NBAS: variants seen among roughly 807,000 people sequenced by gnomAD.
NBAS encodes NBAS subunit of NRZ tethering complex.
Under a neutral mutation model 302.5 loss-of-function variants are expected in NBAS, and 219 were observed. That is an observed-to-expected ratio of 0.72 (90% CI 0.65 to 0.81). NBAS has a LOEUF of 0.81. Among genes scored for constraint, NBAS ranks in the 30% least tolerant of loss-of-function variants. The pLI, the probability that NBAS is intolerant of heterozygous loss-of-function variation, is 0.00. For missense variants in NBAS, 2,932 were observed against 2,841.6 expected (o/e 1.03, Z -0.72); for synonymous variants, 1,118 against 1,021.6 (o/e 1.09, Z -1.80).
At chr2:15,073,617 T>TC in the NBAS span, among the ~76,000 whole-genome samples, 2 of 152,222 alleles carry the variant, frequency 1.3e-5, no homozygotes, top group Non-Finnish European at 2.9e-5. Context: ...GCATTTTTTT[T>TC]CTTTTACTAC....
intron 5 of NBAS, among the ~76,000 whole-genome samples, chr2:15,553,200 A>T (rs1486324017): frequency 1.3e-5 from 2 of 152,212 alleles, no homozygotes; most frequent in East Asian, 3.8e-4. Context: ...AAACTTCTTA[A>T]GAGGCAACGG....
At chr2:15,543,506 G>A (rs572437508) in intron 6 of NBAS, among the ~76,000 whole-genome samples, 2 of 152,166 alleles carry the variant, frequency 1.3e-5, no homozygotes, top group Non-Finnish European at 1.5e-5. Flanking sequence ...TCTGAGACTG[G>A]GCAATTTACA....
chr2:15,081,570 A>G, the NBAS span, among the ~76,000 whole-genome samples: 20 of 152,230 alleles, frequency 1.3e-4, no homozygotes, highest in African/African-American at 4.8e-4. Flanking sequence ...GGCATTGCGC[A>G]AGAATACCAT....
chr2:15,513,212 A>T (rs1662224227), intron 9 of NBAS, among the ~76,000 whole-genome samples: 2 of 152,202 alleles, frequency 1.3e-5, no homozygotes, highest in African/African-American at 4.8e-5. Flanking sequence ...ATGCAGCTCT[A>T]ACAAATTTTC....
intron 38 of NBAS, among the ~76,000 whole-genome samples, chr2:15,315,324 CTGG>C (rs1671458584): frequency 6.6e-6 from 1 of 152,130 alleles, no homozygotes; most frequent in Non-Finnish European, 1.5e-5. Flanking sequence ...GCAATATTAA[CTGG>C]AGGGTACACA....
intron 44 of NBAS, among the ~76,000 whole-genome samples, chr2:15,256,766 G>A (rs1668619769): frequency 1.3e-5 from 2 of 152,142 alleles, no homozygotes; most frequent in South Asian, 2.1e-4. Flanking sequence ...TAATCATAAA[G>A]GGATGCTGGA....
intron 32 of NBAS, among the ~76,000 whole-genome samples, chr2:15,361,839 G>C (rs893308355): frequency 6.6e-6 from 1 of 151,992 alleles, no homozygotes; most frequent in Admixed American, 6.6e-5. Context: ...AATTAGCCAG[G>C]TGTGGTGGCA....
At chr2:15,507,163 T>C (rs1377412406) in intron 10 of NBAS, among the ~76,000 whole-genome samples, 26 of 152,182 alleles carry the variant, frequency 1.7e-4, no homozygotes, top group East Asian at 1.2e-3. Flanking sequence ...TATCCTTCAA[T>C]AAACAAGAGT....
chr2:15,527,809 T>C (rs565142365), intron 9 of NBAS, among the ~76,000 whole-genome samples: 4 of 152,288 alleles, frequency 2.6e-5, no homozygotes, highest in African/African-American at 4.8e-5. Flanking sequence ...ACAAAAACAG[T>C]ATAGCAGTAA....
chr2:15,198,556 C>T (rs1033161039), intron 48 of NBAS, among the ~76,000 whole-genome samples: 1 of 151,956 alleles, frequency 6.6e-6, no homozygotes, highest in Non-Finnish European at 1.5e-5. Context: ...GTGGTTGAAG[C>T]GGTAAATAAA....
At chr2:15,257,926 A>T (rs1415108190) in intron 44 of NBAS, among the ~76,000 whole-genome samples, 2 of 152,308 alleles carry the variant, frequency 1.3e-5, no homozygotes, top group East Asian at 3.9e-4. Flanking sequence ...TCACAATCTA[A>T]CAATAGTCAT....
chr2:15,273,168 CAA>C (rs1669407761), intron 44 of NBAS, among the ~76,000 whole-genome samples: 1 of 152,152 alleles, frequency 6.6e-6, no homozygotes, highest in Non-Finnish European at 1.5e-5. Flanking sequence ...TGCCTGGGAG[CAA>C]AGTCACCCTC....
In NBAS at chr2:15,479,228, C is replaced by A. The variant is rs146667486; in HGVS notation, c.1084-939G>T. The stretch of plus-strand genomic sequence containing the variant: ...TTAAACTTAATCAGAAAAAAAATTA[C>A]CATAAAAGCCTACTTATATACCAAG... On this transcript the variant is annotated intron_variant, in intron 12 of 51. Transcript: ENST00000281513. Among the ~76,000 whole-genome samples the A allele has an allele frequency of 1.7e-3, 261 of 152,158 alleles. 1 individual carries two copies. Among genetic ancestry groups the A allele is most frequent in the African/African-American group, 6.0e-3 (250 of 41,502 alleles).
the NBAS span, among the ~76,000 whole-genome samples, chr2:14,915,011 G>T: frequency 1.3e-5 from 2 of 152,152 alleles, no homozygotes; most frequent in Non-Finnish European, 2.9e-5. Flanking sequence ...GTTTTTTATG[G>T]TATTTGTTAT....
the NBAS span, among the ~76,000 whole-genome samples, chr2:15,137,527 A>T: frequency 6.6e-6 from 1 of 152,344 alleles, no homozygotes; most frequent in South Asian, 2.1e-4. Flanking sequence ...GACTCAATGG[A>T]ACCCTGCAAT....
chr2:14,838,753 G>A, the NBAS span, among the ~76,000 whole-genome samples: 3 of 151,874 alleles, frequency 2.0e-5, no homozygotes, highest in Non-Finnish European at 4.4e-5. Context: ...GGTTGCCTTA[G>A]TCTGGTTTCT....
the NBAS span, among the ~76,000 whole-genome samples, chr2:14,990,459 T>G: frequency 6.6e-6 from 1 of 152,124 alleles, no homozygotes; most frequent in African/African-American, 2.4e-5. Flanking sequence ...AGAATACTTT[T>G]TATGCCACTG....
intron 9 of NBAS, among the ~76,000 whole-genome samples, chr2:15,515,607 C>T (rs536419426): frequency 2.6e-4 from 40 of 152,198 alleles, no homozygotes; most frequent in South Asian, 2.1e-3. Context: ...ACAATGTTGA[C>T]GAGAACTAAT....
At chr2:15,412,470 A>G (rs541834323) in intron 25 of NBAS, among the ~76,000 whole-genome samples, 56 of 152,332 alleles carry the variant, frequency 3.7e-4, no homozygotes, top group African/African-American at 1.3e-3. Flanking sequence ...CGCAGTCGTA[A>G]GCTACTAAGA....
Sources: gnomAD v4.1 joint callset for allele counts (sites outside exome capture counted in the v4.1 genomes callset) on GRCh38, gnomAD v4.1.1 for gene constraint, MANE v1.5 for transcripts, NCBI Gene and HGNC (gene_info 2026-07-23, HGNC 2026-07-21) for gene names.